TMEM175: variants seen among roughly 807,000 people sequenced by gnomAD.
TMEM175 encodes transmembrane protein 175.
A neutral mutation model predicts 36.5 loss-of-function variants in TMEM175; 36 were observed. The observed-to-expected ratio is 0.99, with a 90% confidence interval of 0.76 to 1.30. TMEM175 has a LOEUF of 1.30. Among genes scored for constraint, TMEM175 ranks in the 50% most tolerant of loss-of-function variants. TMEM175 has a pLI of 0.00. For missense variants in TMEM175, 705 were observed against 692.8 expected (o/e 1.02, Z -0.20); for synonymous variants, 339 against 313.4 (o/e 1.08, Z -0.86).
intron 7 of TMEM175, among the ~76,000 whole-genome samples, chr4:952,850 C>T (rs1050743142): frequency 1.3e-5 from 2 of 151,954 alleles, no homozygotes; most frequent in Non-Finnish European, 2.9e-5. Flanking sequence ...GCCACCTACA[C>T]ACATAGGATG....
Position 955,810 on chromosome 4 carries a change from G to A in TMEM175, c.762G>A (p.Glu254=). 2 of 1,613,892 alleles carry A rather than the reference G, an allele frequency of 1.2e-6. No individual in the cohort carries two copies. Among genetic ancestry groups the A allele is most frequent in the African/African-American group, 2.7e-5 (2 of 74,906 alleles). ...AAGTCTTCTCGTTTGACCTCCACGA[G>A]CCACTCAGCAAGGAGCGCGTGGAAG... ...PVEVFSFDLH[E]PLSKERVEAF... The change falls in exon 10 of 11, where the codon GAG becomes GAA. Residue 254 remains glutamate (E), a synonymous_variant. Transcript: ENST00000264771.
Position 950,338 on chromosome 4 carries a change from C to T in TMEM175, c.193-83C>T, listed in dbSNP as rs575082672. 3.7e-5 allele frequency: 43 copies of T among 1,164,256 alleles called. No individual in the cohort carries two copies. The African/African-American group carries it at 5.0e-4, about 13-fold the overall frequency. 72.1% of individuals were successfully genotyped at this position (1,164,256 alleles called of 1,614,324 possible). ...TCGCCCTGCCCTGGGCCGAGGCCAG[C>T]CCCCCCTCACGGTGCTGTCTCGACT... On this transcript the variant is annotated intron_variant, in intron 3 of 10. Coordinates refer to ENST00000264771, the MANE Select transcript of TMEM175 (RefSeq NM_032326.4).
At chr4:941,370 C>CGT (rs1470528586) in intron 1 of TMEM175, among the ~76,000 whole-genome samples, 2 of 94,490 alleles carry the variant, frequency 2.1e-5, no homozygotes, top group African/African-American at 9.2e-5. Flanking sequence ...GAGCGAAACT[C>CGT]TGTCTCAAAA....
intron 1 of TMEM175, 111 bp from the exon 2 acceptor site, chr4:947,598 G>A: frequency 1.2e-6 from 1 of 812,830 alleles, no homozygotes; most frequent in Non-Finnish European, 1.9e-6. Context: ...CTGCTCAGTG[G>A]CGGCCAAGCC....
chr4:948,240 C>T (rs774378974), intron 3 of TMEM175, 86 bp downstream of exon 3: 2 of 1,610,890 alleles, frequency 1.2e-6, no homozygotes, highest in East Asian at 2.2e-5. Flanking sequence ...GGTGCTGACC[C>T]TGCACGCCTC....
At chr4:935,140 T>G (rs1001057931) in intron 1 of TMEM175, among the ~76,000 whole-genome samples, 3 of 152,232 alleles carry the variant, frequency 2.0e-5, no homozygotes, top group Admixed American at 6.5e-5. Context: ...TGGCATGACC[T>G]GGGATCAGCT....
intron 3 of TMEM175, chr4:948,602 C>G (rs1178578946): frequency 2.3e-6 from 3 of 1,300,580 alleles, no homozygotes; most frequent in African/African-American, 3.0e-5. Flanking sequence ...CCGGCTGCTC[C>G]TGCAGGCCTG....
rs566319238 is a variant in TMEM175, at chr4:953,295, C to T, written c.568C>T (p.Leu190Phe). The change falls in exon 8 of 11, where the codon CTC becomes TTC. Residue 190 changes from leucine to phenylalanine, a missense_variant. Leu to Phe is a conservative substitution (Grantham distance 22). Coordinates refer to ENST00000264771, the MANE Select transcript of TMEM175 (RefSeq NM_032326.4). ...LYRRHVLGIV[L>F]QGPALCFAAA... ...CCGACGACACGTCCTGGGCATCGTC[C>T]TCCAAGGCCCGGCCCTGTGCTTTGC... 7.4e-6 allele frequency: 12 copies of T among 1,614,078 alleles called. No homozygotes were observed. The highest frequency in any genetic ancestry group is 4.0e-5 in the African/African-American group (3 of 75,066).
chr4:950,764 CGGTGTGGAT>C (rs1165187452), intron 4 of TMEM175, among the ~76,000 whole-genome samples: 3 of 62,146 alleles, frequency 4.8e-5, no homozygotes, highest in African/African-American at 2.4e-4. Flanking sequence ...GAGGTGTGGA[CGGTGTGGAT>C]GGTGCAGTAG....
At position 958,295 on chromosome 4, in the gene TMEM175, CCTG is replaced by C; in HGVS notation, c.1318_1320del (p.Leu440del). On this transcript the variant is annotated inframe_deletion, in exon 11 of 11. Coordinates refer to ENST00000264771, the MANE Select transcript of TMEM175 (RefSeq NM_032326.4). The stretch of plus-strand genomic sequence containing the variant: ...GCCTGCTGGCCTTCGCCTCCACCTG[CCTG>C]CTGAGCAGGTTCAGTGTGGGCATCT... 2 of 1,606,212 alleles carry C rather than the reference CCTG, an allele frequency of 1.2e-6. No homozygotes were observed. Among genetic ancestry groups the C allele is most frequent in the Non-Finnish European group, 1.7e-6 (2 of 1,179,766 alleles).
intron 1 of TMEM175, among the ~76,000 whole-genome samples, chr4:944,580 C>A (rs921630873): frequency 6.6e-6 from 1 of 152,120 alleles, no homozygotes; most frequent in African/African-American, 2.4e-5. Context: ...GTTTTCATTT[C>A]TTACCGTATA....
chr4:944,656 T>C (rs569323339), intron 1 of TMEM175, among the ~76,000 whole-genome samples: 1 of 152,380 alleles, frequency 6.6e-6, no homozygotes, highest in African/African-American at 2.4e-5. Flanking sequence ...ACATAAATGG[T>C]ACAATAGTAT....
At chr4:945,375 G>A (rs975449524) in intron 1 of TMEM175, among the ~76,000 whole-genome samples, 2 of 151,638 alleles carry the variant, frequency 1.3e-5, no homozygotes, top group African/African-American at 2.4e-5. Flanking sequence ...CCGTCCTGTC[G>A]TCTCACTCCC....
intron 3 of TMEM175, among the ~76,000 whole-genome samples, chr4:949,401 A>G (rs940777032): frequency 6.6e-6 from 1 of 152,230 alleles, no homozygotes; most frequent in African/African-American, 2.4e-5. Context: ...TCAAAAGCTC[A>G]TTCAGAGAAC....
intron 10 of TMEM175, among the ~76,000 whole-genome samples, chr4:957,300 G>T (rs1024574970): frequency 6.6e-6 from 1 of 152,184 alleles, no homozygotes; most frequent in African/African-American, 2.4e-5. Context: ...GGGTGGTGCC[G>T]TCAGAAGGCA....
chr4:954,124 G>A (rs1256033410), intron 8 of TMEM175, among the ~76,000 whole-genome samples: 1 of 152,020 alleles, frequency 6.6e-6, no homozygotes, highest in Non-Finnish European at 1.5e-5. Context: ...GAGTAGCCGG[G>A]ATTACAGGTG....
At chr4:937,044 A>G (rs1281633403) in intron 1 of TMEM175, among the ~76,000 whole-genome samples, 1 of 152,102 alleles carries the variant, frequency 6.6e-6, no homozygotes, top group Non-Finnish European at 1.5e-5. Flanking sequence ...ACTTTGTGTT[A>G]TCTAACCATC....
chr4:950,352 G>A (rs1728710713), intron 3 of TMEM175, 69 bp from the exon 4 acceptor site: 2 of 1,294,074 alleles, frequency 1.5e-6, no homozygotes, highest in African/African-American at 1.4e-5. Flanking sequence ...CCCTCACGGT[G>A]CTGTCTCGAC....
At chr4:935,843 T>A (rs1415022728) in intron 1 of TMEM175, among the ~76,000 whole-genome samples, 1 of 152,238 alleles carries the variant, frequency 6.6e-6, no homozygotes, top group Admixed American at 6.5e-5. Context: ...ATCCTTTCAA[T>A]ATTTGGAAAC....
Sources: allele counts gnomAD v4.1 joint callset (sites outside exome capture counted in the v4.1 genomes callset), GRCh38; gene constraint gnomAD v4.1.1; transcripts MANE v1.5; gene names NCBI Gene and HGNC (gene_info 2026-07-23, HGNC 2026-07-21).